Variants in GLI3 observed in about 807,000 individuals in gnomAD.
GLI3 encodes the protein GLI family zinc finger 3, also known as transcription activator GLI3.
A neutral mutation model predicts 100.8 loss-of-function variants in GLI3; 20 were observed. The ratio of observed to expected loss-of-function variants is 0.20; its 90% CI spans 0.14 to 0.29. The LOEUF (loss-of-function observed/expected upper bound fraction) is 0.29. Among genes scored for constraint, GLI3 ranks in the 10% least tolerant of loss-of-function variants. GLI3 has a pLI of 1.00. For synonymous variants in GLI3, 938 were observed against 860.5 expected, an observed-to-expected ratio of 1.09 and a Z score of -1.58; for missense variants, 2,040 against 2,128.5, an observed-to-expected ratio of 0.96 and a Z score of 0.82.
intron 10 of GLI3, among the ~76,000 whole-genome samples, chr7:42,005,479 A>ACC (rs1156935550): frequency 5.9e-5 from 9 of 151,892 alleles, no homozygotes; most frequent in African/African-American, 1.7e-4. Context: ...ACACACACAC[A>ACC]CACACACACA....
chr7:42,219,917 G>A lies in GLI3; in HGVS notation c.124+3213C>T, dbSNP rs1363983182. ...CGCCCAGGCTGGAGTGCAGTGGCAC[G>A]ATCTTGGCTCACTGTAAGCTCCACC... On this transcript the variant is annotated intron_variant, in intron 2 of 14. Coordinates refer to ENST00000395925, the MANE Select transcript of GLI3 (RefSeq NM_000168.6). Among the ~76,000 whole-genome samples the A allele has an allele frequency of 5.4e-5, 8 of 148,576 alleles. No homozygotes were observed. In the East Asian group the frequency reaches 6.0e-4, roughly 11 times the overall value.
chr7:42,073,859 A>G (rs1448069866), intron 4 of GLI3, among the ~76,000 whole-genome samples: 1 of 152,248 alleles, frequency 6.6e-6, no homozygotes, highest in East Asian at 1.9e-4. Flanking sequence ...ATTTTCTATA[A>G]GACAATTATA....
chr7:42,116,937 T>C (rs1417603592), intron 3 of GLI3, among the ~76,000 whole-genome samples: 1 of 152,148 alleles, frequency 6.6e-6, no homozygotes, highest in East Asian at 1.9e-4. Context: ...GTTATCTACA[T>C]CCTCCCTTTA....
intron 2 of GLI3, among the ~76,000 whole-genome samples, chr7:42,190,013 C>T (rs924843393): frequency 4.0e-5 from 5 of 125,406 alleles, no homozygotes; most frequent in Non-Finnish European, 8.6e-5. Flanking sequence ...CACACACACA[C>T]ACACAGAGAA....
chr7:42,107,304 T>A (rs1396788082), intron 3 of GLI3, among the ~76,000 whole-genome samples: 1 of 152,116 alleles, frequency 6.6e-6, no homozygotes, highest in Non-Finnish European at 1.5e-5. Context: ...CACTCCAGCC[T>A]GGGCGACAGT....
At chr7:42,066,102 G>T (rs1351605672) in intron 4 of GLI3, among the ~76,000 whole-genome samples, 3 of 152,130 alleles carry the variant, frequency 2.0e-5, no homozygotes, top group Non-Finnish European at 4.4e-5. Flanking sequence ...ATGCAGAAAA[G>T]CGTTGTCAGA....
chr7:42,262,507 G>A (rs1789156540), intron 1 of GLI3, among the ~76,000 whole-genome samples: 1 of 152,048 alleles, frequency 6.6e-6, no homozygotes, highest in Non-Finnish European at 1.5e-5. Context: ...CCATCCTCCT[G>A]CCCCGGCCTC....
At chr7:42,042,813 A>T (rs1429071312) in intron 6 of GLI3, among the ~76,000 whole-genome samples, 1 of 152,076 alleles carries the variant, frequency 6.6e-6, no homozygotes, top group Non-Finnish European at 1.5e-5. Context: ...CTCTTATTTA[A>T]GTCTATTTCC....
chr7:42,208,589 T>C (rs1583648998), intron 2 of GLI3, among the ~76,000 whole-genome samples: 1 of 152,208 alleles, frequency 6.6e-6, no homozygotes, highest in East Asian at 1.9e-4. Context: ...TAATCAAAGT[T>C]TATTGTACTC....
At chr7:41,977,805 AAC>A (rs1255741362) in intron 11 of GLI3, 83 bp from the exon 12 acceptor site, 4 of 1,265,272 alleles carry the variant, frequency 3.2e-6, no homozygotes, top group Non-Finnish European at 3.5e-6. Context: ...GTTGATGAAA[AAC>A]TGATGTTTCA....
At chr7:42,258,128 C>T (rs1366831450) in intron 1 of GLI3, among the ~76,000 whole-genome samples, 2 of 152,198 alleles carry the variant, frequency 1.3e-5, no homozygotes, top group Non-Finnish European at 2.9e-5. Flanking sequence ...GTGCGTCTCT[C>T]CAACTAGACT....
At chr7:42,067,167 C>T (rs1784691710) in intron 4 of GLI3, among the ~76,000 whole-genome samples, 1 of 152,030 alleles carries the variant, frequency 6.6e-6, no homozygotes, top group Non-Finnish European at 1.5e-5. Flanking sequence ...TATGAAAAAT[C>T]AGAGGCCCCT....
intron 12 of GLI3, among the ~76,000 whole-genome samples, chr7:41,975,759 A>G (rs750257846): frequency 4.6e-5 from 7 of 152,198 alleles, no homozygotes; most frequent in Non-Finnish European, 1.0e-4. Context: ...TTGTCTTTAT[A>G]TGTGTGCATT....
chr7:42,238,621 G>A (rs1788885447), upstream of GLI3, among the ~76,000 whole-genome samples: 1 of 152,220 alleles, frequency 6.6e-6, no homozygotes, highest in African/African-American at 2.4e-5. Flanking sequence ...GCTACAAAGT[G>A]TCTCTGTCCC....
At chr7:42,123,512 T>C (rs1562743040) in intron 3 of GLI3, among the ~76,000 whole-genome samples, 1 of 152,246 alleles carries the variant, frequency 6.6e-6, no homozygotes, top group Non-Finnish European at 1.5e-5. Flanking sequence ...AACGTAATTA[T>C]ACAAATTATC....
chr7:42,123,401 C>T (rs1786049112), intron 3 of GLI3, among the ~76,000 whole-genome samples: 1 of 152,080 alleles, frequency 6.6e-6, no homozygotes, highest in Admixed American at 6.5e-5. Flanking sequence ...TTAGTAAAGT[C>T]TATATTTTTG....
At chr7:42,092,941 G>A (rs568280475) in intron 3 of GLI3, among the ~76,000 whole-genome samples, 10 of 151,886 alleles carry the variant, frequency 6.6e-5, no homozygotes, top group African/African-American at 2.4e-4. Context: ...AGCCTCCTGA[G>A]TAACTGGGAT....
intron 1 of GLI3, among the ~76,000 whole-genome samples, chr7:42,246,401 A>G (rs1224110231): frequency 1.3e-5 from 2 of 152,070 alleles, no homozygotes; most frequent in Non-Finnish European, 2.9e-5. Context: ...CTCTCTCCCA[A>G]CATACTCTGT....
intron 3 of GLI3, among the ~76,000 whole-genome samples, chr7:42,134,212 A>G (rs1489565072): frequency 6.6e-6 from 1 of 152,166 alleles, no homozygotes; most frequent in Non-Finnish European, 1.5e-5. Context: ...CAAGTAGGCT[A>G]TTTCACACAC....
Sources: gnomAD v4.1 joint callset for allele counts (sites outside exome capture counted in the v4.1 genomes callset) on GRCh38, gnomAD v4.1.1 for gene constraint, MANE v1.5 for transcripts, NCBI Gene and HGNC (gene_info 2026-07-23, HGNC 2026-07-21) for gene names.